Variants in WSB2 observed in about 807,000 individuals in gnomAD.
WSB2 encodes WD repeat and SOCS box containing 2.
WSB2 carries 12 observed loss-of-function variants against 48.8 expected under a neutral mutation model. That is an observed-to-expected ratio of 0.25 (90% confidence interval 0.16 to 0.40). WSB2 has a LOEUF of 0.40. Among genes scored for constraint, WSB2 ranks in the 10% least tolerant of loss-of-function variants. The pLI, the probability that WSB2 is intolerant of heterozygous loss-of-function variation, is 1.00. For synonymous variants in WSB2, 191 were observed against 203.1 expected (o/e 0.94, Z 0.51); for missense variants, 317 against 506.2 (o/e 0.63, Z 3.59).
intron 1 of WSB2, among the ~76,000 whole-genome samples, chr12:118,055,912 T>C (rs1022769549): frequency 4.0e-5 from 3 of 74,768 alleles, no homozygotes; most frequent in African/African-American, 2.1e-4. Flanking sequence ...ACCACGTCTG[T>C]TTTTTTTTTT....
intron 5 of WSB2, chr12:118,037,889 TCAA>T (rs2031549517): frequency 6.3e-6 from 1 of 158,678 alleles, no homozygotes; most frequent in Non-Finnish European, 1.4e-5. Flanking sequence ...AGGACAAAGT[TCAA>T]CAAGTAACTG....
At chr12:118,036,594 A>G in intron 5 of WSB2, 84 bp from the exon 6 acceptor site, 1 of 1,409,396 alleles carries the variant, frequency 7.1e-7, no homozygotes, top group Non-Finnish European at 9.7e-7. Context: ...ACCACCACCA[A>G]ATCTGCAGGC....
chr12:118,040,740 G>C (rs1219361629), intron 4 of WSB2, among the ~76,000 whole-genome samples: 3 of 151,842 alleles, frequency 2.0e-5, no homozygotes, highest in Non-Finnish European at 4.4e-5. Context: ...AGGTTCCACA[G>C]TACTGGGCAG....
Position 118,034,190 on chromosome 12 carries a change from T to C in WSB2, c.*6A>G, listed in dbSNP as rs751905390. ...TGCTACAAAGAAGCACAAGATGTGG[T>C]GTTGCTTAAAAAGTCCTGTATGTGA... On this transcript the variant is annotated 3_prime_UTR_variant, in exon 9 of 9. Transcript: ENST00000315436. 11 of 1,614,084 alleles carry C rather than the reference T, an allele frequency of 6.8e-6. No homozygotes were observed. The highest frequency in any genetic ancestry group is 2.5e-6 in the Non-Finnish European group (3 of 1,179,992).
intron 2 of WSB2, among the ~76,000 whole-genome samples, chr12:118,046,731 T>C (rs2031754527): frequency 6.6e-6 from 1 of 152,136 alleles, no homozygotes; most frequent in African/African-American, 2.4e-5. Flanking sequence ...GTTAAATTTG[T>C]TTTATTTGTT....
upstream of WSB2, chr12:118,061,994 C>T (rs1251105191): frequency 8.6e-6 from 9 of 1,040,568 alleles, no homozygotes; most frequent in Non-Finnish European, 1.2e-5. Flanking sequence ...GAGGAGAACA[C>T]GGGGCGGTGG....
At chr12:118,052,071 G>C (rs1166667120) in intron 2 of WSB2, among the ~76,000 whole-genome samples, 1 of 152,168 alleles carries the variant, frequency 6.6e-6, no homozygotes, top group Admixed American at 6.5e-5. Context: ...TGGACAAACT[G>C]TGTGGTATAT....
upstream of WSB2, chr12:118,062,071 T>C (rs558772930): frequency 3.9e-6 from 6 of 1,532,258 alleles, no homozygotes; most frequent in East Asian, 1.2e-4. Flanking sequence ...GCAGGAGCGA[T>C]TCGGAAGAAG....
chr12:118,039,298 A>C (rs2031578426), intron 4 of WSB2, among the ~76,000 whole-genome samples: 1 of 152,230 alleles, frequency 6.6e-6, no homozygotes, highest in Non-Finnish European at 1.5e-5. Flanking sequence ...TGCTTTAAAA[A>C]TAAAAAAGCC....
chr12:118,060,979 G>T lies in WSB2; in HGVS notation c.13+57C>A. On this transcript the variant is annotated intron_variant, in intron 1 of 8. Transcript: ENST00000315436. The surrounding 1 kb of genome is among the most constrained non-coding windows in gnomAD (Gnocchi z 4.1). ...CCCCGGGGTCGCCTCCCCCCTCCCC[G>T]GGGAGAACGGGCCAGGGCCCCGCCG... 2 of 368,720 alleles carry T rather than the reference G, an allele frequency of 5.4e-6. No individual in the cohort carries two copies. Among genetic ancestry groups the T allele is most frequent in the Non-Finnish European group, 7.3e-6 (2 of 273,946 alleles). The allele number at this position is 368,720 out of a possible 1,614,324, so 22.8% of individuals were successfully genotyped here.
intron 2 of WSB2, among the ~76,000 whole-genome samples, chr12:118,051,563 C>A (rs2031853029): frequency 6.6e-6 from 1 of 152,164 alleles, no homozygotes; most frequent in Admixed American, 6.6e-5. Flanking sequence ...CTAGAATAGG[C>A]CAATCTAGAG....
chr12:118,042,982 G>A lies in WSB2; in HGVS notation c.428-10C>T, dbSNP rs779052904. ...TTCAAAAGCAGGAGCCCTGGCATGG[G>A]AGCAGGGGCACTGAGTCAGCCAGAG... On this transcript the variant is annotated splice_polypyrimidine_tract_variant and intron_variant, in intron 3 of 8. Transcript: ENST00000315436. 3 of 1,614,088 alleles carry A rather than the reference G, an allele frequency of 1.9e-6. No homozygotes were observed. Among genetic ancestry groups the A allele is most frequent in the South Asian group, 1.1e-5 (1 of 91,082 alleles).
chr12:118,036,558 G>A, intron 5 of WSB2, 48 bp from the exon 6 acceptor site: 1 of 1,543,474 alleles, frequency 6.5e-7, no homozygotes, highest in Middle Eastern at 1.8e-4. Flanking sequence ...AAAGTGCTTA[G>A]GACTCAAACG....
intron 1 of WSB2, among the ~76,000 whole-genome samples, chr12:118,055,227 G>A (rs939342924): frequency 6.6e-6 from 1 of 152,094 alleles, no homozygotes. Flanking sequence ...ACATTTGGCA[G>A]TAACATTTTT....
At chr12:118,057,676 C>T (rs1161745945) in intron 1 of WSB2, among the ~76,000 whole-genome samples, 2 of 151,936 alleles carry the variant, frequency 1.3e-5, no homozygotes. Flanking sequence ...AGCTCATTAC[C>T]ATATATGCAT....
rs112919112 is a variant in WSB2 at position 118,050,631 on chromosome 12, C to T, written c.182+1679G>A. On this transcript the variant is annotated intron_variant, in intron 2 of 8. Transcript: ENST00000315436. ...TCAAGCCTGGACAACAGAGCAAGAC[C>T]CTCTCTCTCTCTCAAAAAAAATAAA... Among the ~76,000 whole-genome samples the T allele has an allele frequency of 2.8e-3, 423 of 150,746 alleles. 6 individuals carry two copies. Among genetic ancestry groups the T allele is most frequent in the African/African-American group, 9.4e-3 (385 of 40,966 alleles).
chr12:118,038,934 T>A (rs1022309029), intron 4 of WSB2, among the ~76,000 whole-genome samples: 3 of 152,124 alleles, frequency 2.0e-5, no homozygotes, highest in African/African-American at 7.2e-5. Flanking sequence ...TCACTTTTTT[T>A]ATATAATCTT....
intron 4 of WSB2, 66 bp downstream of exon 4, chr12:118,042,775 T>G (rs2031663437): frequency 1.9e-6 from 3 of 1,564,186 alleles, no homozygotes. Flanking sequence ...AAAATGACAC[T>G]GGTAAAGTGG....
At chr12:118,056,666 C>T (rs781118957) in intron 1 of WSB2, among the ~76,000 whole-genome samples, 9 of 152,254 alleles carry the variant, frequency 5.9e-5, no homozygotes, top group East Asian at 1.9e-4. Context: ...TTTGGGAGGC[C>T]GAGGCAGGCA....
Sources: allele counts gnomAD v4.1 joint callset (sites outside exome capture counted in the v4.1 genomes callset), GRCh38; gene constraint gnomAD v4.1.1; non-coding constraint Gnocchi (gnomAD v3.1); transcripts MANE v1.5; gene names NCBI Gene and HGNC (gene_info 2026-07-23, HGNC 2026-07-21).